Variants in AOX1 observed in about 807,000 individuals in gnomAD.
AOX1 encodes the protein aldehyde oxidase.
In AOX1, 153 loss-of-function variants were observed where a neutral mutation model predicts 169.5. The observed-to-expected ratio is 0.90, with a 90% confidence interval of 0.79 to 1.03. AOX1 has a LOEUF of 1.03. Among genes scored for constraint, AOX1 ranks in the 50% least tolerant of loss-of-function variants. The pLI is 0.00. For synonymous variants in AOX1, 562 were observed against 581.9 expected (o/e 0.97, Z 0.49); for missense variants, 1,656 against 1,663.9 (o/e 1.00, Z 0.08).
At chr2:200,657,190 A>ATATATATATATTTTTTTTTTTT in intron 27 of AOX1, among the ~76,000 whole-genome samples, 1 of 62,882 alleles carries the variant, frequency 1.6e-5, no homozygotes, top group African/African-American at 7.9e-5. Context: ...ATATATATAT[A>ATATATATATATTTTTTTTTTTT]TTTTTTTTTT....
intron 16 of AOX1, among the ~76,000 whole-genome samples, chr2:200,617,725 T>G (rs1302805974): frequency 1.3e-5 from 2 of 152,244 alleles, no homozygotes; most frequent in East Asian, 3.9e-4. Flanking sequence ...TTATCTGGAA[T>G]TTTGCTTTTC....
intron 9 of AOX1, 44 bp downstream of exon 9, chr2:200,604,884 A>ATG: frequency 1.2e-6 from 1 of 852,738 alleles, no homozygotes. Context: ...ATTGAGAAAA[A>ATG]GGGCTTGGGA....
At chr2:200,632,124 A>T (rs1452639305) in intron 20 of AOX1, among the ~76,000 whole-genome samples, 1 of 151,984 alleles carries the variant, frequency 6.6e-6, no homozygotes, top group African/African-American at 2.4e-5. Context: ...CATTAACATG[A>T]TCGTCAGTAA....
intron 25 of AOX1, among the ~76,000 whole-genome samples, chr2:200,645,704 C>A (rs1353441148): frequency 6.6e-6 from 1 of 152,014 alleles, no homozygotes; most frequent in Non-Finnish European, 1.5e-5. Flanking sequence ...TGGTCCTGGA[C>A]TTTTTATTGT....
intron 15 of AOX1, among the ~76,000 whole-genome samples, chr2:200,614,174 G>A (rs1176368489): frequency 1.4e-4 from 21 of 152,178 alleles, no homozygotes; most frequent in Admixed American, 1.4e-3. Context: ...AGTTGATCAG[G>A]CTTTTATTTA....
chr2:200,643,601 A>T (rs532268515), intron 25 of AOX1, among the ~76,000 whole-genome samples: 15 of 152,224 alleles, frequency 9.9e-5, no homozygotes, highest in Non-Finnish European at 1.6e-4. Context: ...GTCAAATGGT[A>T]CTTCTACTTT....
At chr2:200,666,775 A>G in intron 32 of AOX1, 23 bp downstream of exon 32, 1 of 1,589,864 alleles carries the variant, frequency 6.3e-7, no homozygotes, top group South Asian at 1.1e-5. Flanking sequence ...GATGTGTCTC[A>G]CTTTCTATTT....
chr2:200,591,644 G>A (rs561847723), intron 1 of AOX1, among the ~76,000 whole-genome samples: 148 of 152,318 alleles, frequency 9.7e-4, no homozygotes, highest in Non-Finnish European at 1.4e-3. Flanking sequence ...CAGAAATCCT[G>A]ATTCCATAGC....
At chr2:200,659,423 G>A in intron 28 of AOX1, 130 bp downstream of exon 28, 1 of 977,432 alleles carries the variant, frequency 1.0e-6, no homozygotes, top group Non-Finnish European at 1.5e-6. Flanking sequence ...CTCAGTCAGT[G>A]GTACAGCACC....
Position 200,659,985 on chromosome 2 carries a change from T to C in AOX1, c.3301-10T>C, listed in dbSNP as rs770942591. ...TAGGAGCATAATTTTAATTTAAAAA[T>C]AATCTCTAGGATGCCTGTCAAACTC... is the stretch of plus-strand genomic sequence containing the variant. On this transcript the variant is annotated splice_polypyrimidine_tract_variant and intron_variant, in intron 28 of 34. Transcript: ENST00000374700. 1 of 1,605,590 alleles carries C rather than the reference T, an allele frequency of 6.2e-7. No individual in the cohort carries two copies. Among genetic ancestry groups the C allele is most frequent in the Non-Finnish European group, 8.5e-7 (1 of 1,174,664 alleles).
intron 25 of AOX1, among the ~76,000 whole-genome samples, chr2:200,648,005 T>A (rs34930734): frequency 0.018 from 2,734 of 152,328 alleles, 65 homozygotes; most frequent in African/African-American, 0.058. Flanking sequence ...GTAACTTTTT[T>A]AAAATTTCTT....
intron 2 of AOX1, among the ~76,000 whole-genome samples, chr2:200,594,775 A>G (rs1253871635): frequency 6.6e-6 from 1 of 152,186 alleles, no homozygotes; most frequent in East Asian, 1.9e-4. Context: ...CAGTGTTTCT[A>G]TTTCTAAGGA....
chr2:200,603,231 C>G, intron 6 of AOX1, 36 bp from the exon 7 acceptor site: 1 of 1,527,380 alleles, frequency 6.5e-7, no homozygotes, highest in Non-Finnish European at 9.1e-7. Flanking sequence ...GTAGAATCAG[C>G]AATAAATTCC....
At chr2:200,602,164 G>A in intron 5 of AOX1, 120 bp from the exon 6 acceptor site, 2 of 707,824 alleles carry the variant, frequency 2.8e-6, no homozygotes, top group South Asian at 2.0e-5. Context: ...TAGATTAGGT[G>A]GACTAAAATG....
intron 6 of AOX1, among the ~76,000 whole-genome samples, chr2:200,602,666 G>C (rs1305223364): frequency 6.6e-6 from 1 of 152,028 alleles, no homozygotes; most frequent in Non-Finnish European, 1.5e-5. Context: ...AACATGTGAC[G>C]GGCATACACA....
rs1182072567 is a variant in AOX1 at position 200,599,642 on chromosome 2, G to A, written c.332G>A (p.Gly111Asp). 3 of 1,611,664 alleles carry A rather than the reference G, an allele frequency of 1.9e-6. No individual in the cohort carries two copies. The highest frequency in any genetic ancestry group is 4.5e-5 in the East Asian group (2 of 44,664). Reference protein sequence around the residue: ...PVQERIAKCHGTQCGFCTPGM... With the variant: ...PVQERIAKCHDTQCGFCTPGM... ...CAGGAGAGGATTGCCAAGTGTCATG[G>A]CACCCAGTGTGGCTTCTGCACACCT... Residue 111 changes from glycine to aspartate, a missense_variant, in exon 5 of 35, where the codon GGC (glycine) becomes GAC (aspartate). Transcript: ENST00000374700.
chr2:200,659,548 A>G (rs1452464797), intron 28 of AOX1, among the ~76,000 whole-genome samples: 1 of 152,124 alleles, frequency 6.6e-6, no homozygotes, highest in Non-Finnish European at 1.5e-5. Context: ...TTCTGCTTCC[A>G]TATTATGTTA....
At chr2:200,664,324 A>G (rs2035887730) in intron 31 of AOX1, among the ~76,000 whole-genome samples, 1 of 152,168 alleles carries the variant, frequency 6.6e-6, no homozygotes, top group Admixed American at 6.5e-5. Flanking sequence ...TGGCTTCACC[A>G]TGTTGCCCAG....
At chr2:200,665,677 C>A (rs902563101) in intron 31 of AOX1, among the ~76,000 whole-genome samples, 1 of 152,144 alleles carries the variant, frequency 6.6e-6, no homozygotes, top group African/African-American at 2.4e-5. Context: ...AGTGATCTGC[C>A]CCCCTCGGCC....
Sources: gnomAD v4.1 joint callset for allele counts (sites outside exome capture counted in the v4.1 genomes callset) on GRCh38, gnomAD v4.1.1 for gene constraint, MANE v1.5 for transcripts, NCBI Gene and HGNC (gene_info 2026-07-23, HGNC 2026-07-21) for gene names.